Variants in ULK4 observed in about 807,000 individuals in gnomAD.
ULK4 encodes unc-51 like kinase 4.
In ULK4, 133 loss-of-function variants were observed where a neutral mutation model predicts 160.6. The observed-to-expected ratio is 0.83, with a 90% CI of 0.72 to 0.96. ULK4 has a LOEUF of 0.96. Among genes scored for constraint, ULK4 ranks in the 40% least tolerant of loss-of-function variants. The pLI is 0.00. For missense variants in ULK4, 1,580 were observed against 1,499.5 expected, an observed-to-expected ratio of 1.05 and a Z score of -0.89; for synonymous variants, 534 against 539.8, an observed-to-expected ratio of 0.99 and a Z score of 0.15.
At chr3:41,303,817 C>G (rs2079846026) in intron 35 of ULK4, among the ~76,000 whole-genome samples, 2 of 151,872 alleles carry the variant, frequency 1.3e-5, no homozygotes, top group Non-Finnish European at 2.9e-5. Context: ...GCAGTAGTAT[C>G]TGGGATTGAA....
At chr3:41,896,248 A>C (rs1559635115) in intron 15 of ULK4, among the ~76,000 whole-genome samples, 1 of 151,786 alleles carries the variant, frequency 6.6e-6, no homozygotes, top group Non-Finnish European at 1.5e-5. Flanking sequence ...TTATGATATC[A>C]CTTTTTTTTT....
In ULK4 at chr3:41,901,146, T is replaced by C. The variant is rs1028002361; in HGVS notation, c.1183-317A>G. Among the ~76,000 whole-genome samples the C allele has an allele frequency of 1.4e-4, 21 of 151,630 alleles. 2 individuals are homozygous for C. In the South Asian group the frequency reaches 1.5e-3, roughly 11 times the overall value. On this transcript the variant is annotated intron_variant, in intron 12 of 36. Coordinates refer to ENST00000301831, the MANE Select transcript of ULK4 (RefSeq NM_017886.4). ...ATGTTCTAAACTGTGATGAGGCAAA[T>C]TGGTTTTTCCATAACAGCATGGCTT...
chr3:41,667,310 G>A (rs529321311), intron 29 of ULK4, among the ~76,000 whole-genome samples: 84 of 152,260 alleles, frequency 5.5e-4, no homozygotes, highest in African/African-American at 1.9e-3. Context: ...TTTTCATAAA[G>A]AATATCGTTC....
chr3:41,596,599 T>C (rs547852627), intron 31 of ULK4, among the ~76,000 whole-genome samples: 9 of 152,212 alleles, frequency 5.9e-5, no homozygotes, highest in Non-Finnish European at 8.8e-5. Context: ...AGAACTGTCA[T>C]GGGTGAGCTG....
chr3:41,841,139 G>A (rs1417341606), intron 17 of ULK4, among the ~76,000 whole-genome samples: 4 of 146,830 alleles, frequency 2.7e-5, no homozygotes, highest in South Asian at 2.2e-4. Context: ...CTGCTCGGCC[G>A]CCACCCCGTC....
At chr3:41,615,861 A>T in intron 30 of ULK4, 144 bp from the exon 31 acceptor site, 2 of 758,870 alleles carry the variant, frequency 2.6e-6, no homozygotes, top group South Asian at 4.5e-5. Flanking sequence ...TCTTTTTAAG[A>T]CACTGAACTA....
At chr3:41,490,899 C>T (rs1339914470) in intron 32 of ULK4, among the ~76,000 whole-genome samples, 1 of 152,098 alleles carries the variant, frequency 6.6e-6, no homozygotes, top group Non-Finnish European at 1.5e-5. Context: ...TAGCTGACAC[C>T]AATCAGTGCT....
chr3:41,476,191 C>T (rs768828587), intron 32 of ULK4, among the ~76,000 whole-genome samples: 4 of 152,138 alleles, frequency 2.6e-5, no homozygotes, highest in Non-Finnish European at 5.9e-5. Flanking sequence ...CGCTGTTAGT[C>T]TCCCACCTTA....
At chr3:41,266,441 C>T (rs990165384) in intron 35 of ULK4, among the ~76,000 whole-genome samples, 6 of 152,172 alleles carry the variant, frequency 3.9e-5, no homozygotes, top group Admixed American at 2.0e-4. Context: ...AGAGGTCTCA[C>T]AGAGTCAAGG....
At chr3:41,298,604 A>G (rs2079719788) in intron 35 of ULK4, among the ~76,000 whole-genome samples, 1 of 152,234 alleles carries the variant, frequency 6.6e-6, no homozygotes, top group Admixed American at 6.5e-5. Flanking sequence ...GTTGTTGAAG[A>G]TTAAGTCACT....
In ULK4 at chr3:41,566,103, T is replaced by C. The variant is rs2087773448; in HGVS notation, c.3148A>G (p.Thr1050Ala). 1.9e-6 allele frequency: 3 copies of C among 1,613,452 alleles called. No individual in the cohort carries two copies. The highest frequency in any genetic ancestry group is 1.3e-5 in the African/African-American group (1 of 74,820). Residue 1050 changes from threonine (T) to alanine (A), a missense_variant, in exon 32 of 37, where the codon ACC becomes GCC. Thr to Ala is a moderately conservative substitution (Grantham distance 58, BLOSUM62 0). Coordinates refer to ENST00000301831, the MANE Select transcript of ULK4 (RefSeq NM_017886.4). ...LEHQESILGNTMQSVIALLSN... is the reference protein window; with the variant it reads ...LEHQESILGNAMQSVIALLSN... ...AGTAATGCAATCACACTTTGCATGG[T>C]ATTACCCAGAATGCTCTCCTGATGT... is the stretch of plus-strand genomic sequence containing the variant.
chr3:41,294,183 G>A (rs184452937), intron 35 of ULK4, among the ~76,000 whole-genome samples: 3 of 152,296 alleles, frequency 2.0e-5, no homozygotes, highest in Admixed American at 1.3e-4. Context: ...CTTTGCCTTC[G>A]TGAATGGTTT....
chr3:41,485,511 C>G (rs2084494714), intron 32 of ULK4, among the ~76,000 whole-genome samples: 1 of 152,202 alleles, frequency 6.6e-6, no homozygotes, highest in Non-Finnish European at 1.5e-5. Context: ...TTGCTAAAAT[C>G]TTATTTTGCA....
intron 30 of ULK4, among the ~76,000 whole-genome samples, chr3:41,645,345 C>T (rs146253956): frequency 0.05 from 7,569 of 151,670 alleles, 429 homozygotes; most frequent in African/African-American, 0.14. Flanking sequence ...TATAAATTTC[C>T]CTCTACACAC....
intron 32 of ULK4, among the ~76,000 whole-genome samples, chr3:41,539,361 C>T (rs1381024054): frequency 1.3e-5 from 2 of 152,136 alleles, no homozygotes; most frequent in African/African-American, 4.8e-5. Context: ...TTTACTGAAT[C>T]TCCGATCACT....
chr3:41,785,789 C>T (rs955064897), intron 21 of ULK4, among the ~76,000 whole-genome samples: 1 of 152,116 alleles, frequency 6.6e-6, no homozygotes, highest in Non-Finnish European at 1.5e-5. Flanking sequence ...ACTAAAACCC[C>T]TTAGGAAGGC....
At chr3:41,841,320 G>C (rs1304757870) in intron 17 of ULK4, among the ~76,000 whole-genome samples, 2 of 146,506 alleles carry the variant, frequency 1.4e-5, no homozygotes, top group East Asian at 4.3e-4. Flanking sequence ...GCCCCGTCTG[G>C]GAGGTGAGGG....
At chr3:41,455,776 G>A (rs1164872976) in intron 33 of ULK4, among the ~76,000 whole-genome samples, 181 bp from the exon 34 acceptor site, 1 of 152,204 alleles carries the variant, frequency 6.6e-6, no homozygotes, top group Non-Finnish European at 1.5e-5. Flanking sequence ...ACATAACAAG[G>A]AGTGTAGATA....
intron 19 of ULK4, among the ~76,000 whole-genome samples, chr3:41,802,596 G>A (rs1426367578): frequency 6.6e-6 from 1 of 152,120 alleles, no homozygotes; most frequent in Non-Finnish European, 1.5e-5. Context: ...ACTATGCCAA[G>A]CCAAGCATAC....
Sources: gnomAD v4.1 joint callset for allele counts (sites outside exome capture counted in the v4.1 genomes callset) on GRCh38, gnomAD v4.1.1 for gene constraint, MANE v1.5 for transcripts, NCBI Gene and HGNC (gene_info 2026-07-23, HGNC 2026-07-21) for gene names.